Variants in UNC5D observed in about 807,000 individuals in gnomAD.
UNC5D encodes the protein unc-5 netrin receptor D, also known as netrin receptor UNC5D.
Under a neutral mutation model 105.4 loss-of-function variants are expected in UNC5D, and 39 were observed. The ratio of observed to expected loss-of-function variants is 0.37; its 90% CI spans 0.29 to 0.48. The LOEUF (loss-of-function observed/expected upper bound fraction) is 0.48, where lower values mean the gene tolerates loss of function less well. Among genes scored for constraint, UNC5D ranks in the 20% least tolerant of loss-of-function variants. The probability of loss-of-function intolerance (pLI) is 0.98; values close to 1 mark genes in which losing one functional copy is unlikely to be tolerated. For missense variants in UNC5D, 991 were observed against 1,202.4 expected, an observed-to-expected ratio of 0.82 and a Z score of 2.60; for synonymous variants, 452 against 450.4, an observed-to-expected ratio of 1.00 and a Z score of -0.04.
At chr8:35,339,751 C>T (rs1221066736) in intron 1 of UNC5D, among the ~76,000 whole-genome samples, 1 of 152,146 alleles carries the variant, frequency 6.6e-6, no homozygotes, top group Admixed American at 6.5e-5. Context: ...GGAGGAAAAG[C>T]AGGTTTATCT....
chr8:35,749,970 G>A (rs879417659), intron 12 of UNC5D, among the ~76,000 whole-genome samples: 2 of 123,746 alleles, frequency 1.6e-5, no homozygotes, highest in Non-Finnish European at 3.1e-5. Context: ...GATATTTAAA[G>A]AGTTGTCAGA....
chr8:35,673,778 C>T (rs1408939217), intron 4 of UNC5D, among the ~76,000 whole-genome samples: 2 of 152,120 alleles, frequency 1.3e-5, no homozygotes, highest in African/African-American at 4.8e-5. Context: ...ACAGGAATAC[C>T]AGTCCCTTTT....
chr8:35,729,611 C>T (rs961197136), intron 10 of UNC5D, among the ~76,000 whole-genome samples: 2 of 152,130 alleles, frequency 1.3e-5, no homozygotes. Flanking sequence ...GGTTGACTTC[C>T]GAGCACACTG....
chr8:35,305,613 C>A (rs1435264608), intron 1 of UNC5D, among the ~76,000 whole-genome samples: 2 of 94,182 alleles, frequency 2.1e-5, no homozygotes, highest in South Asian at 3.3e-4. Flanking sequence ...TTCTTTCTTT[C>A]TTTCTTTCTT....
chr8:35,437,787 C>T (rs1461003152), intron 1 of UNC5D, among the ~76,000 whole-genome samples: 2 of 151,628 alleles, frequency 1.3e-5, no homozygotes, highest in Non-Finnish European at 2.9e-5. Flanking sequence ...TTTGTGAGTA[C>T]CTTTTCTGCG....
intron 1 of UNC5D, among the ~76,000 whole-genome samples, chr8:35,238,403 TGTAA>T (rs1326426330): frequency 2.0e-5 from 3 of 152,226 alleles, no homozygotes; most frequent in Admixed American, 2.0e-4. Flanking sequence ...TTCCCTCCTT[TGTAA>T]GTAAGACTTA....
chr8:35,489,895 A>G (rs894156189), intron 1 of UNC5D, among the ~76,000 whole-genome samples: 1 of 152,250 alleles, frequency 6.6e-6, no homozygotes, highest in Non-Finnish European at 1.5e-5. Context: ...ATGTTCAGTT[A>G]TAATAACATT....
chr8:35,632,808 A>G (rs554139799), intron 4 of UNC5D, among the ~76,000 whole-genome samples: 1 of 152,294 alleles, frequency 6.6e-6, no homozygotes, highest in East Asian at 1.9e-4. Context: ...AGGCTGGCCC[A>G]CGAGGGTGTG....
At chr8:35,552,643 A>C (rs1013593946) in intron 2 of UNC5D, among the ~76,000 whole-genome samples, 26 of 152,196 alleles carry the variant, frequency 1.7e-4, no homozygotes, top group Admixed American at 4.6e-4. Context: ...ATGTTGATAT[A>C]GTTTTGATTT....
chr8:35,246,701 C>T (rs1235244173), intron 1 of UNC5D, among the ~76,000 whole-genome samples: 3 of 152,110 alleles, frequency 2.0e-5, no homozygotes, highest in African/African-American at 4.8e-5. Flanking sequence ...ATATGGCACT[C>T]GGCCCTCCAG....
intron 1 of UNC5D, among the ~76,000 whole-genome samples, chr8:35,487,596 C>CT (rs879708903): frequency 0.14 from 21,691 of 151,636 alleles, 1,948 homozygotes; most frequent in East Asian, 0.27. Context: ...CACACACACC[C>CT]CACAGACTGT....
At chr8:35,784,804 A>G (rs1023650877) in intron 16 of UNC5D, among the ~76,000 whole-genome samples, 4 of 151,878 alleles carry the variant, frequency 2.6e-5, no homozygotes, top group African/African-American at 9.7e-5. Context: ...TGCATATTAT[A>G]TAACATCTTA....
At chr8:35,704,196 T>G (rs1827388161) in intron 7 of UNC5D, among the ~76,000 whole-genome samples, 1 of 152,126 alleles carries the variant, frequency 6.6e-6, no homozygotes, top group South Asian at 2.1e-4. Flanking sequence ...TTTAAAAAAA[T>G]AGTGGCCCAT....
intron 8 of UNC5D, among the ~76,000 whole-genome samples, chr8:35,706,690 C>G (rs1386472192): frequency 1.3e-5 from 2 of 152,058 alleles, no homozygotes; most frequent in African/African-American, 4.8e-5. Context: ...TCAGGTGACT[C>G]CAAGGTGCAG....
chr8:35,513,484 C>G (rs1478957968), intron 1 of UNC5D, among the ~76,000 whole-genome samples: 1 of 152,116 alleles, frequency 6.6e-6, no homozygotes, highest in Non-Finnish European at 1.5e-5. Context: ...CTGCCTCTGC[C>G]TCCCAAGGTG....
At chr8:35,582,165 G>A (rs1364205096) in intron 3 of UNC5D, among the ~76,000 whole-genome samples, 1 of 152,124 alleles carries the variant, frequency 6.6e-6, no homozygotes, top group East Asian at 1.9e-4. Flanking sequence ...GAGCCCCCAT[G>A]TCTTTCTTCC....
intron 1 of UNC5D, among the ~76,000 whole-genome samples, chr8:35,475,296 T>C (rs1201291275): frequency 2.6e-5 from 4 of 152,162 alleles, no homozygotes; most frequent in African/African-American, 9.7e-5. Context: ...TATCCATTTT[T>C]CTCCACATTC....
At chr8:35,638,155 C>T (rs1168946786) in intron 4 of UNC5D, among the ~76,000 whole-genome samples, 1 of 152,164 alleles carries the variant, frequency 6.6e-6, no homozygotes, top group Non-Finnish European at 1.5e-5. Flanking sequence ...TGAAAGAAGA[C>T]ATGTCACCTA....
chr8:35,352,070 C>T (rs982995243), intron 1 of UNC5D, among the ~76,000 whole-genome samples: 13 of 152,148 alleles, frequency 8.5e-5, no homozygotes, highest in African/African-American at 2.4e-4. Flanking sequence ...CATAAGGACA[C>T]ATTTAAGTGT....
Sources: allele counts gnomAD v4.1 joint callset (sites outside exome capture counted in the v4.1 genomes callset), GRCh38; gene constraint gnomAD v4.1.1; transcripts MANE v1.5; gene names NCBI Gene and HGNC (gene_info 2026-07-23, HGNC 2026-07-21).